The following TMEM202 variants were observed in gnomAD, a reference collection of about 807,000 sequenced individuals.
The protein encoded by TMEM202 is transmembrane protein 202.
A neutral mutation model predicts 26.1 loss-of-function variants in TMEM202; 25 were observed. That is an observed-to-expected ratio of 0.96 (90% CI 0.70 to 1.34). The LOEUF (loss-of-function observed/expected upper bound fraction) is 1.34. Among genes scored for constraint, TMEM202 ranks in the 40% most tolerant of loss-of-function variants. The pLI is 0.00. For missense variants in TMEM202, 301 were observed against 327.7 expected (o/e 0.92, Z 0.63); for synonymous variants, 122 against 119.0 (o/e 1.02, Z -0.16).
At chr15:72,400,406 G>A (rs574481090) in intron 2 of TMEM202, among the ~76,000 whole-genome samples, 2 of 152,214 alleles carry the variant, frequency 1.3e-5, no homozygotes, top group East Asian at 3.9e-4. Context: ...CATGCAAATT[G>A]GTATAACTAA....
intron 2 of TMEM202, among the ~76,000 whole-genome samples, chr15:72,400,961 T>A (rs774659930): frequency 2.6e-5 from 4 of 152,176 alleles, no homozygotes; most frequent in Non-Finnish European, 5.9e-5. Context: ...TAGGGTAAAT[T>A]CCTGACATTG....
At chr15:72,403,250 T>A (rs1321942351) in intron 2 of TMEM202, among the ~76,000 whole-genome samples, 1 of 152,152 alleles carries the variant, frequency 6.6e-6, no homozygotes, top group African/African-American at 2.4e-5. Flanking sequence ...TCTCACCCAA[T>A]GGTACTCTGA....
intron 2 of TMEM202, 102 bp downstream of exon 2, chr15:72,399,010 C>T: frequency 7.3e-7 from 1 of 1,378,318 alleles, no homozygotes; most frequent in Non-Finnish European, 9.9e-7. Flanking sequence ...ATCTTTTGGC[C>T]TTCACCTCTC....
chr15:72,398,681 G>A lies in TMEM202; in HGVS notation c.110G>A (p.Ser37Asn), dbSNP rs1387963991. 1 of 1,614,096 alleles carries A rather than the reference G, an allele frequency of 6.2e-7. No homozygotes were observed. Among genetic ancestry groups the A allele is most frequent in the Non-Finnish European group, 8.5e-7 (1 of 1,180,026 alleles). ...ACCGTCCCTGCCAAGAAACATCCAA[G>A]TGCCTCGATGTCATGCCAAAGGCAG... ...RPTVPAKKHP[S>N]ASMSCQRQQQ... is the part of the protein sequence containing the mutation. Residue 37 changes from serine (S) to asparagine (N), a missense_variant, in exon 2 of 5, where the codon AGT becomes AAT. Ser to Asn is a conservative substitution (Grantham distance 46). Coordinates refer to ENST00000341689, the MANE Select transcript of TMEM202 (RefSeq NM_001080462.3).
chr15:72,398,921 G>T lies in TMEM202; in HGVS notation c.337+13G>T. The stretch of plus-strand genomic sequence containing the variant: ...CCCAAGCCACCCTGTGAGTGCCACC[G>T]AATTAAATGCCACAGGCCCCACACA... On this transcript the variant is annotated intron_variant, in intron 2 of 4. Coordinates refer to ENST00000341689, the MANE Select transcript of TMEM202 (RefSeq NM_001080462.3). 6.3e-7 allele frequency: 1 copy of T among 1,595,784 alleles called. No individual in the cohort carries two copies. The highest frequency in any genetic ancestry group is 1.1e-5 in the South Asian group (1 of 90,648).
Position 72,406,749 on chromosome 15 carries a change from C to A in TMEM202, c.485C>A (p.Ser162Ter). Residue 162 changes from serine to a stop codon, truncating the protein, a stop_gained and splice_region_variant, in exon 3 of 5, where the codon TCA becomes TAA. Transcript: ENST00000341689. LOFTEE classifies it high-confidence loss of function. ...DLKVSMLSFI[S>*]ATCLLLCLNL... ...AAGGTATCCATGCTCAGCTTCATCT[C>A]AGGTACAGACCTAGACTGGCAGGGT... The A allele has an allele frequency of 6.2e-7, 1 of 1,614,052 alleles. No individual in the cohort carries two copies. Among genetic ancestry groups the A allele is most frequent in the Non-Finnish European group, 8.5e-7 (1 of 1,179,986 alleles).
In TMEM202 at chr15:72,406,975, CT is replaced by C. The variant is rs1239642199; in HGVS notation, c.488-106del. On this transcript the variant is annotated intron_variant, in intron 3 of 4. Coordinates refer to ENST00000341689, the MANE Select transcript of TMEM202 (RefSeq NM_001080462.3). The stretch of plus-strand genomic sequence containing the variant: ...TCTTGGTCAGTCCCCAGGTTTTTAT[CT>C]TTTTGATCCTCGCTATACATATGGC... 3.4e-6 allele frequency: 5 copies of C among 1,449,596 alleles called. No homozygotes were observed. The African/African-American group carries it at 5.7e-5, about 16-fold the overall frequency. 89.8% of individuals were successfully genotyped at this position (1,449,596 alleles called of 1,614,324 possible).
Position 72,406,590 on chromosome 15 carries a change from T to C in TMEM202, c.338-12T>C. 1 of 1,612,934 alleles carries C rather than the reference T, an allele frequency of 6.2e-7. No individual in the cohort carries two copies. The highest frequency in any genetic ancestry group is 8.5e-7 in the Non-Finnish European group (1 of 1,179,512). ...GACTAACCACGGTCTTCCTTTCCTC[T>C]TCTTCATGCAGATTATCTCCAATAT... On this transcript the variant is annotated splice_polypyrimidine_tract_variant and intron_variant, in intron 2 of 4. Transcript: ENST00000341689.
chr15:72,398,911 G>A lies in TMEM202; in HGVS notation c.337+3G>A. On this transcript the variant is annotated splice_donor_region_variant and intron_variant, in intron 2 of 4. Transcript: ENST00000341689. ...GAGCCACACACCCAAGCCACCCTGT[G>A]AGTGCCACCGAATTAAATGCCACAG... is the stretch of plus-strand genomic sequence containing the variant. 6.3e-7 allele frequency: 1 copy of A among 1,597,926 alleles called. No homozygotes were observed. Among genetic ancestry groups the A allele is most frequent in the Non-Finnish European group, 8.6e-7 (1 of 1,167,706 alleles).
At chr15:72,399,008 G>A (rs2063535506) in intron 2 of TMEM202, 100 bp downstream of exon 2, 1 of 1,411,210 alleles carries the variant, frequency 7.1e-7, no homozygotes, top group East Asian at 2.3e-5. Flanking sequence ...AGATCTTTTG[G>A]CCTTCACCTC....
intron 2 of TMEM202, among the ~76,000 whole-genome samples, chr15:72,403,928 G>A (rs1310219889): frequency 6.6e-6 from 1 of 152,166 alleles, no homozygotes; most frequent in African/African-American, 2.4e-5. Flanking sequence ...TTCAGGAGAT[G>A]AGAAGGTAAC....
chr15:72,404,566 C>T (rs946424354), intron 2 of TMEM202, among the ~76,000 whole-genome samples: 1 of 152,132 alleles, frequency 6.6e-6, no homozygotes, highest in Non-Finnish European at 1.5e-5. Context: ...TTTCTACAGT[C>T]ACTTTGTCAT....
At chr15:72,399,780 C>G (rs1020987155) in intron 2 of TMEM202, among the ~76,000 whole-genome samples, 2 of 152,130 alleles carry the variant, frequency 1.3e-5, no homozygotes, top group African/African-American at 4.8e-5. Flanking sequence ...ATTTTTCAAT[C>G]AAACCAAAAA....
At chr15:72,406,075 A>C (rs1434685564) in intron 2 of TMEM202, among the ~76,000 whole-genome samples, 1 of 152,174 alleles carries the variant, frequency 6.6e-6, no homozygotes, top group Non-Finnish European at 1.5e-5. Context: ...ATATGATAGA[A>C]TATTTTGTAG....
chr15:72,398,686 T>C lies in TMEM202; in HGVS notation c.115T>C (p.Ser39Pro), dbSNP rs908331857. ...CCCTGCCAAGAAACATCCAAGTGCC[T>C]CGATGTCATGCCAAAGGCAGCAGCA... ...TVPAKKHPSASMSCQRQQQLM... is the reference protein window; with the variant it reads ...TVPAKKHPSAPMSCQRQQQLM... Residue 39 changes from serine to proline, a missense_variant, in exon 2 of 5, where the codon TCG becomes CCG. Ser to Pro is a moderately conservative substitution (Grantham distance 74). Coordinates refer to ENST00000341689, the MANE Select transcript of TMEM202 (RefSeq NM_001080462.3). 3 of 1,614,032 alleles carry C rather than the reference T, an allele frequency of 1.9e-6. No homozygotes were observed. The African/African-American group carries it at 4.0e-5, about 22-fold the overall frequency.
At chr15:72,406,784 T>C (rs2063573911) in intron 3 of TMEM202, 33 bp downstream of exon 3, 2 of 1,604,962 alleles carry the variant, frequency 1.2e-6, no homozygotes, top group African/African-American at 1.3e-5. Context: ...TATTTTACCA[T>C]GGTAAAATAG....
intron 2 of TMEM202, among the ~76,000 whole-genome samples, chr15:72,402,137 T>C (rs549711398): frequency 6.6e-6 from 1 of 152,210 alleles, no homozygotes; most frequent in East Asian, 1.9e-4. Context: ...AGCTAATTTT[T>C]GTGTTTTTAG....
rs765443044 is a variant in TMEM202, at chr15:72,398,368, T to C, written c.42T>C (p.Pro14=). The C allele has an allele frequency of 3.0e-5, 48 of 1,613,208 alleles. No homozygotes were observed. Among genetic ancestry groups the C allele is most frequent in the Non-Finnish European group, 3.8e-5 (45 of 1,179,812 alleles). The change falls in exon 1 of 5, where the codon CCT becomes CCC. Residue 14 remains proline (P), a synonymous_variant. Coordinates refer to ENST00000341689, the MANE Select transcript of TMEM202 (RefSeq NM_001080462.3). ...ATTTAACCTTGACTTTCCACAGTCC[T>C]GAGGTTCCCAAAATAAAGGGGAACC... The part of the protein sequence containing the change: ...REHLTLTFHS[P]EVPKIKGNRK...
intron 2 of TMEM202, 57 bp downstream of exon 2, chr15:72,398,965 C>G: frequency 6.4e-7 from 1 of 1,560,890 alleles, no homozygotes; most frequent in Non-Finnish European, 8.7e-7. Flanking sequence ...GCTTTCTGCT[C>G]ACACAAATTG....
Sources: gnomAD v4.1 joint callset for allele counts (sites outside exome capture counted in the v4.1 genomes callset) on GRCh38, gnomAD v4.1.1 for gene constraint, MANE v1.5 for transcripts, NCBI Gene and HGNC (gene_info 2026-07-23, HGNC 2026-07-21) for gene names.